ERC1: variants seen among roughly 807,000 people sequenced by gnomAD.
The protein encoded by ERC1 is RAB6 interacting protein 2.
ERC1 carries 56 observed loss-of-function variants against 132.0 expected under a neutral mutation model. The ratio of observed to expected loss-of-function variants is 0.42; its 90% CI spans 0.34 to 0.53. The LOEUF (loss-of-function observed/expected upper bound fraction) is 0.53, where lower values mean the gene tolerates loss of function less well. ERC1 is among the 20% of genes least tolerant of loss of function. The pLI, the probability that ERC1 is intolerant of heterozygous loss-of-function variation, is 0.03. For synonymous variants in ERC1, 478 were observed against 476.1 expected, an observed-to-expected ratio of 1.00 and a Z score of -0.05; for missense variants, 1,202 against 1,349.9, an observed-to-expected ratio of 0.89 and a Z score of 1.72.
intron 15 of ERC1, among the ~76,000 whole-genome samples, chr12:1,307,920 G>A (rs189727005): frequency 3.9e-4 from 59 of 152,274 alleles, no homozygotes; most frequent in Admixed American, 2.7e-3. Flanking sequence ...GCACTCCATT[G>A]TAGATGTAAT....
intron 15 of ERC1, among the ~76,000 whole-genome samples, chr12:1,320,311 A>G (rs186283736): frequency 5.8e-4 from 89 of 152,318 alleles, no homozygotes; most frequent in Admixed American, 9.1e-4. Context: ...TCTACCCCAC[A>G]TGTGCTCTCA....
At chr12:1,361,056 C>G (rs1256859638) in intron 15 of ERC1, among the ~76,000 whole-genome samples, 1 of 149,146 alleles carries the variant, frequency 6.7e-6, no homozygotes, top group East Asian at 1.9e-4. Context: ...TATGATCTCA[C>G]CACTGCACTC....
At chr12:1,092,277 G>A (rs186443327) in intron 3 of ERC1, among the ~76,000 whole-genome samples, 2 of 152,174 alleles carry the variant, frequency 1.3e-5, no homozygotes, top group Non-Finnish European at 2.9e-5. Context: ...GATTATAGGC[G>A]TGAGCCACCG....
chr12:1,334,319 C>T (rs1479228308), intron 15 of ERC1, among the ~76,000 whole-genome samples: 2 of 152,120 alleles, frequency 1.3e-5, no homozygotes, highest in East Asian at 1.9e-4. Context: ...TTCCTGTGTC[C>T]TGATTGGTAT....
chr12:1,015,474 G>A (rs1257175382), intron 1 of ERC1, among the ~76,000 whole-genome samples: 1 of 152,120 alleles, frequency 6.6e-6, no homozygotes, highest in African/African-American at 2.4e-5. Flanking sequence ...AATCTCTTTG[G>A]AAATTTAAGC....
intron 15 of ERC1, among the ~76,000 whole-genome samples, chr12:1,347,749 G>GA (rs1566647094): frequency 6.6e-6 from 1 of 152,186 alleles, no homozygotes. Context: ...TTGGGAGACC[G>GA]AGACGGGCAG....
At chr12:1,239,041 G>A (rs1594452454) in intron 13 of ERC1, among the ~76,000 whole-genome samples, 3 of 152,110 alleles carry the variant, frequency 2.0e-5, no homozygotes, top group African/African-American at 7.2e-5. Context: ...TACAAGTTAG[G>A]ATACTTAGGA....
chr12:1,199,644 G>A (rs1956714379), intron 12 of ERC1, among the ~76,000 whole-genome samples: 1 of 151,976 alleles, frequency 6.6e-6, no homozygotes, highest in Non-Finnish European at 1.5e-5. Context: ...CGGGCATGGT[G>A]GCAGGCACCT....
At chr12:1,159,325 C>T (rs1951681325) in intron 8 of ERC1, among the ~76,000 whole-genome samples, 2 of 152,114 alleles carry the variant, frequency 1.3e-5, no homozygotes, top group Admixed American at 1.3e-4. Flanking sequence ...AGAAACATGC[C>T]ACCTAGATCC....
At position 1,083,309 on chromosome 12, in the gene ERC1, C is replaced by T. The variant is rs750956785; in HGVS notation, c.815C>T (p.Ala272Val). ...LTEENFQRLH[A>V]EHERQAKELF... ...GAGGAGAACTTTCAGAGGCTTCATG[C>T]TGAGCATGAGCGGCAGGCCAAAGAG... Residue 272 changes from alanine to valine, a missense_variant, in exon 3 of 19, where the codon GCT becomes GTT. Transcript: ENST00000360905. 1.2e-6 allele frequency: 2 copies of T among 1,614,176 alleles called. No individual in the cohort carries two copies. Among genetic ancestry groups the T allele is most frequent in the Non-Finnish European group, 1.7e-6 (2 of 1,180,030 alleles).
intron 15 of ERC1, among the ~76,000 whole-genome samples, chr12:1,304,979 C>CG (rs1239339016): frequency 3.0e-4 from 45 of 151,304 alleles, no homozygotes; most frequent in Non-Finnish European, 4.9e-4. Context: ...TTAGTAGAGA[C>CG]GGGTTTCACC....
intron 6 of ERC1, among the ~76,000 whole-genome samples, chr12:1,114,129 T>C (rs1946188912): frequency 6.6e-6 from 1 of 152,136 alleles, no homozygotes; most frequent in South Asian, 2.1e-4. Flanking sequence ...GTTCAAGCGA[T>C]TCTCCTGCCT....
At chr12:1,316,663 A>C (rs1323492592) in intron 15 of ERC1, among the ~76,000 whole-genome samples, 1 of 151,992 alleles carries the variant, frequency 6.6e-6, no homozygotes, top group Non-Finnish European at 1.5e-5. Context: ...ACCATTGTGG[A>C]AGACACTGTG....
chr12:1,099,033 T>G (rs1330919003), intron 3 of ERC1, among the ~76,000 whole-genome samples: 1 of 152,168 alleles, frequency 6.6e-6, no homozygotes, highest in Non-Finnish European at 1.5e-5. Context: ...TTTGAATGCT[T>G]CTGAGAGTTC....
intron 1 of ERC1, among the ~76,000 whole-genome samples, chr12:994,139 T>C (rs1369422307): frequency 2.0e-5 from 3 of 151,200 alleles, no homozygotes; most frequent in African/African-American, 7.3e-5. Context: ...TACACTATGT[T>C]TACATTTAGA....
intron 2 of ERC1, among the ~76,000 whole-genome samples, chr12:1,049,962 C>G (rs994633140): frequency 6.6e-6 from 1 of 152,038 alleles, no homozygotes; most frequent in African/African-American, 2.4e-5. Flanking sequence ...AGGCTGGTCT[C>G]AAACTCCTGA....
intron 7 of ERC1, among the ~76,000 whole-genome samples, chr12:1,138,467 G>GA (rs943222792): frequency 6.1e-5 from 9 of 148,224 alleles, no homozygotes; most frequent in African/African-American, 9.9e-5. Flanking sequence ...TCTATAAGTA[G>GA]AAAAAAAAGT....
intron 12 of ERC1, among the ~76,000 whole-genome samples, chr12:1,198,197 C>T (rs1012014094): frequency 6.6e-6 from 1 of 152,026 alleles, no homozygotes; most frequent in South Asian, 2.1e-4. Context: ...CAAAGTGATA[C>T]GATTACAGAG....
intron 18 of ERC1, among the ~76,000 whole-genome samples, chr12:1,450,925 C>T (rs1389269162): frequency 3.3e-5 from 5 of 152,226 alleles, no homozygotes; most frequent in Admixed American, 6.5e-5. Flanking sequence ...AGCATCTCTT[C>T]ATGTGCTTAT....
Sources: gnomAD v4.1 joint callset for allele counts (sites outside exome capture counted in the v4.1 genomes callset) on GRCh38, gnomAD v4.1.1 for gene constraint, MANE v1.5 for transcripts, NCBI Gene and HGNC (gene_info 2026-07-23, HGNC 2026-07-21) for gene names.